ASTN2: variants seen among roughly 807,000 people sequenced by gnomAD.
ASTN2 encodes astrotactin 2, also known as astrotactin-2.
ASTN2 carries 54 observed loss-of-function variants against 139.8 expected under a neutral mutation model. The ratio of observed to expected loss-of-function variants is 0.39; its 90% CI spans 0.31 to 0.48. The LOEUF (loss-of-function observed/expected upper bound fraction) is 0.48, where lower values mean the gene tolerates loss of function less well. Among genes scored for constraint, ASTN2 ranks in the 20% least tolerant of loss-of-function variants. ASTN2 has a pLI of 0.95. For missense variants in ASTN2, 1,565 were observed against 1,725.1 expected, an observed-to-expected ratio of 0.91 and a Z score of 1.64; for synonymous variants, 756 against 719.5, an observed-to-expected ratio of 1.05 and a Z score of -0.81.
Position 116,445,405 on chromosome 9 carries a change from G to A in ASTN2, c.3498-2852C>T, listed in dbSNP as rs1013844979. On this transcript the variant is annotated intron_variant, in intron 20 of 22. Coordinates refer to ENST00000313400, the MANE Select transcript of ASTN2 (RefSeq NM_001365068.1). Reference sequence around the variant, plus strand: ...ACGTATTTCAACCAAGGGAAACATGGAAGGCTTGTAGTGAATAGAATATAT... The same window carrying A: ...ACGTATTTCAACCAAGGGAAACATGAAAGGCTTGTAGTGAATAGAATATAT... 2.0e-5 allele frequency among the ~76,000 whole-genome samples: 3 copies of A among 152,318 alleles called. No homozygotes were observed. In the South Asian group the frequency reaches 6.2e-4, roughly 32 times the overall value.
intron 4 of ASTN2, among the ~76,000 whole-genome samples, chr9:117,126,481 A>T (rs1311928622): frequency 6.6e-6 from 1 of 152,244 alleles, no homozygotes; most frequent in Non-Finnish European, 1.5e-5. Context: ...ATTACTCTTA[A>T]AAGAGTAAAG....
rs547356319 is a variant in ASTN2 at position 116,710,557 on chromosome 9, C to T, written c.2806+15214G>A. ...GACCAGCCTGACCAACATGGAGAAACCCTGTCTCTACTAAAAATACAAAAT... is the reference window on the plus strand; with the variant it reads ...GACCAGCCTGACCAACATGGAGAAATCCTGTCTCTACTAAAAATACAAAAT... On this transcript the variant is annotated intron_variant, in intron 16 of 22. Transcript: ENST00000313400. 1.1e-4 allele frequency among the ~76,000 whole-genome samples: 17 copies of T among 151,722 alleles called. No homozygotes were observed. The South Asian group carries it at 2.5e-3, about 22-fold the overall frequency.
intron 1 of ASTN2, among the ~76,000 whole-genome samples, chr9:117,333,543 G>A (rs1168191353): frequency 1.3e-5 from 2 of 152,088 alleles, no homozygotes; most frequent in Admixed American, 1.3e-4. Context: ...AGTTATTGCA[G>A]GGGGGGTTGG....
intron 13 of ASTN2, among the ~76,000 whole-genome samples, chr9:116,758,832 T>C (rs1829598956): frequency 6.6e-6 from 1 of 152,106 alleles, no homozygotes; most frequent in Non-Finnish European, 1.5e-5. Flanking sequence ...GGCTGCCTAG[T>C]ATAGTGCTTG....
intron 13 of ASTN2, among the ~76,000 whole-genome samples, chr9:116,763,367 AAGTG>A (rs1044957122): frequency 2.6e-5 from 4 of 152,080 alleles, no homozygotes; most frequent in African/African-American, 9.7e-5. Flanking sequence ...TCCTTTTTGG[AAGTG>A]AGTATCACTC....
intron 19 of ASTN2, chr9:116,547,818 G>A (rs1852164214): frequency 6.6e-6 from 1 of 152,278 alleles, no homozygotes; most frequent in Admixed American, 6.5e-5. Context: ...GGCAGGTCAA[G>A]GCGCCCGGTT....
intron 22 of ASTN2, among the ~76,000 whole-genome samples, chr9:116,429,125 G>A (rs1847408672): frequency 6.6e-6 from 1 of 152,042 alleles, no homozygotes; most frequent in South Asian, 2.1e-4. Context: ...GATCACCTGA[G>A]ATCAGGAGTT....
chr9:117,181,083 C>T, intron 3 of ASTN2: 1 of 1,180,296 alleles, frequency 8.5e-7, no homozygotes, highest in Non-Finnish European at 1.3e-6. Flanking sequence ...TCCATGGTCC[C>T]TTAAAGCAAC....
intron 7 of ASTN2, among the ~76,000 whole-genome samples, chr9:116,981,193 A>G (rs903147096): frequency 2.0e-5 from 3 of 152,216 alleles, no homozygotes; most frequent in African/African-American, 7.2e-5. Context: ...TCTTGATTGC[A>G]AAAACATTTT....
chr9:116,606,982 A>C (rs1855240844), intron 19 of ASTN2, among the ~76,000 whole-genome samples: 1 of 152,202 alleles, frequency 6.6e-6, no homozygotes, highest in Non-Finnish European at 1.5e-5. Context: ...GAGAAATTTC[A>C]ATTTAAGCCA....
At chr9:117,341,270 G>T (rs1430939896) in intron 1 of ASTN2, among the ~76,000 whole-genome samples, 2 of 151,884 alleles carry the variant, frequency 1.3e-5, no homozygotes, top group African/African-American at 4.8e-5. Flanking sequence ...TTTTTTCCTG[G>T]TTGCTGCATT....
intron 4 of ASTN2, among the ~76,000 whole-genome samples, chr9:117,108,005 A>G (rs2132780012): frequency 6.6e-6 from 1 of 152,308 alleles, no homozygotes; most frequent in South Asian, 2.1e-4. Context: ...AAAGGGAACA[A>G]TAGTGACTGA....
At chr9:117,113,889 C>T (rs569432643) in intron 4 of ASTN2, among the ~76,000 whole-genome samples, 45 of 152,088 alleles carry the variant, frequency 3.0e-4, no homozygotes, top group South Asian at 6.2e-4. Context: ...TGTAAAAGGT[C>T]GTCAGGAATC....
chr9:116,827,313 C>CAA (rs141242698), intron 11 of ASTN2, among the ~76,000 whole-genome samples: 60 of 79,444 alleles, frequency 7.6e-4, no homozygotes, highest in South Asian at 1.3e-3. Context: ...CCATCCCCCC[C>CAA]AAAAAAAAAA....
rs145237921 is a variant in ASTN2 at position 116,503,985 on chromosome 9, G to A, written c.3356-16485C>T. Among the ~76,000 whole-genome samples, 710 of 152,268 alleles carry A rather than the reference G, an allele frequency of 4.7e-3. 1 individual carries two copies. Among genetic ancestry groups the A allele is most frequent in the Admixed American group, 9.5e-3 (145 of 15,282 alleles). ...AAAGCTGACTTCATGAACTTGGGTA[G>A]TGCAGTGCCCACTTCTGGACCTGCA... On this transcript the variant is annotated intron_variant, in intron 19 of 22. Coordinates refer to ENST00000313400, the MANE Select transcript of ASTN2 (RefSeq NM_001365068.1).
intron 10 of ASTN2, among the ~76,000 whole-genome samples, chr9:116,900,863 G>C (rs1351116935): frequency 6.6e-6 from 1 of 152,170 alleles, no homozygotes; most frequent in Non-Finnish European, 1.5e-5. Context: ...TAAGGAGACT[G>C]CTTCTCTACG....
intron 5 of ASTN2, among the ~76,000 whole-genome samples, chr9:117,079,038 C>G (rs899947698): frequency 3.9e-5 from 6 of 152,154 alleles, no homozygotes; most frequent in Non-Finnish European, 7.4e-5. Context: ...ACCCGGCCAT[C>G]AACTATGGTT....
intron 6 of ASTN2, among the ~76,000 whole-genome samples, chr9:117,032,900 C>G (rs1023928444): frequency 1.3e-5 from 2 of 152,132 alleles, no homozygotes; most frequent in Non-Finnish European, 2.9e-5. Flanking sequence ...ACTTGGATAT[C>G]AACTTAGTTC....
chr9:116,835,518 A>C (rs1209644430), intron 11 of ASTN2, among the ~76,000 whole-genome samples: 1 of 152,184 alleles, frequency 6.6e-6, no homozygotes, highest in African/African-American at 2.4e-5. Context: ...TATAGTCTCT[A>C]AGGGCAGCCA....
Sources: allele counts gnomAD v4.1 joint callset (sites outside exome capture counted in the v4.1 genomes callset), GRCh38; gene constraint gnomAD v4.1.1; transcripts MANE v1.5; gene names NCBI Gene and HGNC (gene_info 2026-07-23, HGNC 2026-07-21).